The following PCSK2 variants were observed in gnomAD, a reference collection of about 807,000 sequenced individuals.
PCSK2 encodes the protein proprotein convertase subtilisin/kexin type 2.
In PCSK2, 14 loss-of-function variants were observed where a neutral mutation model predicts 69.7. That is an observed-to-expected ratio of 0.20 (90% CI 0.13 to 0.31). The LOEUF (loss-of-function observed/expected upper bound fraction) is 0.31, where lower values mean the gene tolerates loss of function less well. Ranked by LOEUF, PCSK2 falls within the 10% of genes least tolerant of loss-of-function variation. The probability of loss-of-function intolerance (pLI) is 1.00; values close to 1 mark genes in which losing one functional copy is unlikely to be tolerated. For synonymous variants in PCSK2, 307 were observed against 320.7 expected (o/e 0.96, Z 0.46); for missense variants, 544 against 842.5 (o/e 0.65, Z 4.39).
At chr20:17,442,790 T>C (rs2032624714) in intron 8 of PCSK2, among the ~76,000 whole-genome samples, 2 of 152,172 alleles carry the variant, frequency 1.3e-5, no homozygotes, top group Non-Finnish European at 2.9e-5. Flanking sequence ...TTACGCCCCC[T>C]TCAGGGAGCT....
At chr20:17,238,252 A>G (rs1354470078) in intron 1 of PCSK2, among the ~76,000 whole-genome samples, 2 of 149,982 alleles carry the variant, frequency 1.3e-5, no homozygotes, top group Non-Finnish European at 3.0e-5. Context: ...GTGGTTTTAA[A>G]GGTATTTATG....
intron 2 of PCSK2, among the ~76,000 whole-genome samples, chr20:17,326,729 TAC>T (rs1990065004): frequency 1.3e-5 from 2 of 152,242 alleles, no homozygotes; most frequent in Admixed American, 1.3e-4. Context: ...TTAACCTTAT[TAC>T]AGTCTTACAA....
intron 2 of PCSK2, among the ~76,000 whole-genome samples, chr20:17,294,096 TTC>T (rs1988788505): frequency 1.5e-5 from 2 of 133,640 alleles, no homozygotes; most frequent in Admixed American, 8.0e-5. Flanking sequence ...ATAAAGTATT[TTC>T]TTTTTTTTTT....
At chr20:17,455,503 C>T (rs73898590) in intron 9 of PCSK2, among the ~76,000 whole-genome samples, 1,996 of 152,272 alleles carry the variant, frequency 0.013, 42 homozygotes, top group African/African-American at 0.046. Context: ...AGAATCTCTC[C>T]GTGGATTTTA....
rs545158748 is a variant in PCSK2 at position 17,453,748 on chromosome 20, G to A, written c.892G>A (p.Gly298Ser). The change falls in exon 9 of 12, where the codon GGC becomes AGC. Residue 298 changes from glycine to serine, a missense_variant. Coordinates refer to ENST00000262545, the MANE Select transcript of PCSK2 (RefSeq NM_002594.5). The surrounding 1 kb of genome is among the most constrained non-coding windows in gnomAD (Gnocchi z 4.0). ...TCTCCCCTGCTCTCCCCAGGGCCGC[G>A]GCGGCAAAGGCAGCATCTACGTGTG... is the stretch of plus-strand genomic sequence containing the variant. ...AMADGVNKGR[G>S]GKGSIYVWAS... The A allele has an allele frequency of 9.3e-6, 15 of 1,613,124 alleles. No individual in the cohort carries two copies. The African/African-American group carries it at 9.3e-5, about 10-fold the overall frequency.
rs370661013 is a variant in PCSK2, at chr20:17,363,845, G to C, written c.505+3205G>C. Among the ~76,000 whole-genome samples the C allele has an allele frequency of 9.8e-5, 15 of 152,328 alleles. No individual in the cohort carries two copies. In the East Asian group the frequency reaches 2.5e-3, roughly 25 times the overall value. On this transcript the variant is annotated intron_variant, in intron 4 of 11. Coordinates refer to ENST00000262545, the MANE Select transcript of PCSK2 (RefSeq NM_002594.5). ...CAACCACAGTTATTCCCTAAGGTTG[G>C]TATTATTATAATCGCCATTTTACAG...
Position 17,453,307 on chromosome 20 carries a change from T to C in PCSK2, c.886-435T>C, listed in dbSNP as rs2123381069. Among the ~76,000 whole-genome samples the C allele has an allele frequency of 6.6e-6, 1 of 152,324 alleles. No homozygotes were observed. Among genetic ancestry groups the C allele is most frequent in the South Asian group, 2.1e-4 (1 of 4,834 alleles). ...AGCTAAGAAAAATTATATGTCCATA[T>C]ACTTGCATTTTCACTAAAAAATGTC... On this transcript the variant is annotated intron_variant, in intron 8 of 11. Transcript: ENST00000262545. This position sits in a 1 kb window ranked among gnomAD's most constrained non-coding sequence, Gnocchi z 4.0.
chr20:17,336,458 G>A (rs950899120), intron 2 of PCSK2, among the ~76,000 whole-genome samples: 1 of 152,206 alleles, frequency 6.6e-6, no homozygotes, highest in Non-Finnish European at 1.5e-5. Flanking sequence ...GTCACTGAAT[G>A]ATGGGAGGCT....
intron 6 of PCSK2, among the ~76,000 whole-genome samples, chr20:17,412,243 A>T (rs2031891687): frequency 6.6e-6 from 1 of 152,228 alleles, no homozygotes; most frequent in Non-Finnish European, 1.5e-5. Flanking sequence ...AAGCTAAAGG[A>T]GCATATTCTA....
rs192531948 is a variant in PCSK2, at chr20:17,356,739, C to T, written c.283-1588C>T. Among the ~76,000 whole-genome samples the T allele has an allele frequency of 1.7e-3, 258 of 152,236 alleles. No individual in the cohort carries two copies. In the Middle Eastern group the frequency reaches 0.024, roughly 14 times the overall value. On this transcript the variant is annotated intron_variant, in intron 2 of 11. Transcript: ENST00000262545. ...GCTGGAGGATCAGTCTTGAAAGCTCCGGGGCTGGGTTGCAGGAACATAGTG... is the reference window on the plus strand; with the variant it reads ...GCTGGAGGATCAGTCTTGAAAGCTCTGGGGCTGGGTTGCAGGAACATAGTG...
chr20:17,356,893 A>G (rs1482517300), intron 2 of PCSK2, among the ~76,000 whole-genome samples: 1 of 152,162 alleles, frequency 6.6e-6, no homozygotes, highest in Non-Finnish European at 1.5e-5. Flanking sequence ...GGCACCCCTA[A>G]GGCAGAGGGA....
At chr20:17,293,274 G>A (rs1216538038) in intron 2 of PCSK2, among the ~76,000 whole-genome samples, 1 of 152,078 alleles carries the variant, frequency 6.6e-6, no homozygotes, top group Non-Finnish European at 1.5e-5. Context: ...CTCTCATAAA[G>A]AATAAATAAT....
chr20:17,350,814 G>C (rs571349921), intron 2 of PCSK2, among the ~76,000 whole-genome samples: 5 of 152,176 alleles, frequency 3.3e-5, no homozygotes, highest in African/African-American at 1.2e-4. Context: ...AGGCCGAGGC[G>C]GGTGGATCAC....
At chr20:17,246,751 C>A (rs2122965664) in intron 1 of PCSK2, among the ~76,000 whole-genome samples, 1 of 151,688 alleles carries the variant, frequency 6.6e-6, no homozygotes, top group Middle Eastern at 3.4e-3. Flanking sequence ...CTATCCCATC[C>A]TTGCCTGGGA....
intron 2 of PCSK2, among the ~76,000 whole-genome samples, chr20:17,301,160 G>A (rs1989067922): frequency 6.6e-6 from 1 of 152,196 alleles, no homozygotes; most frequent in Admixed American, 6.5e-5. Context: ...GAGAGCAAAT[G>A]TATTTGACGT....
At chr20:17,465,966 G>T (rs1210151026) in intron 11 of PCSK2, among the ~76,000 whole-genome samples, 1 of 152,134 alleles carries the variant, frequency 6.6e-6, no homozygotes, top group Non-Finnish European at 1.5e-5. Context: ...ACAATCCTCG[G>T]CCTGGATTTG....
chr20:17,298,357 G>T (rs1038957527), intron 2 of PCSK2, among the ~76,000 whole-genome samples: 1 of 152,062 alleles, frequency 6.6e-6, no homozygotes, highest in Non-Finnish European at 1.5e-5. Context: ...GGTGATTTTG[G>T]CCCCAGGGGA....
At chr20:17,392,760 C>A (rs2031416184) in intron 5 of PCSK2, among the ~76,000 whole-genome samples, 1 of 152,104 alleles carries the variant, frequency 6.6e-6, no homozygotes, top group Admixed American at 6.6e-5. Context: ...ATAACATGTT[C>A]TTTTTTATTG....
chr20:17,347,856 GA>G (rs1568612134), intron 2 of PCSK2, among the ~76,000 whole-genome samples: 1 of 99,594 alleles, frequency 1.0e-5, no homozygotes, highest in Non-Finnish European at 2.1e-5. Flanking sequence ...AAGAAAGAAA[GA>G]AAGAGGAGAG....
Sources: allele counts gnomAD v4.1 joint callset (sites outside exome capture counted in the v4.1 genomes callset), GRCh38; gene constraint gnomAD v4.1.1; non-coding constraint Gnocchi (gnomAD v3.1); transcripts MANE v1.5; gene names NCBI Gene and HGNC (gene_info 2026-07-23, HGNC 2026-07-21).